The following NLGN1 variants were observed in gnomAD, a reference collection of about 807,000 sequenced individuals.
NLGN1 encodes neuroligin 1, also known as neuroligin-1.
In NLGN1, 12 loss-of-function variants were observed where a neutral mutation model predicts 65.5. The ratio of observed to expected loss-of-function variants is 0.18; its 90% CI spans 0.12 to 0.30. NLGN1 has a LOEUF of 0.30. Ranked by LOEUF, NLGN1 falls within the 10% of genes least tolerant of loss-of-function variation. The probability of loss-of-function intolerance (pLI) is 1.00; values close to 1 mark genes in which losing one functional copy is unlikely to be tolerated. For synonymous variants in NLGN1, 350 were observed against 359.5 expected (o/e 0.97, Z 0.30); for missense variants, 750 against 1,007.1 (o/e 0.74, Z 3.46).
At chr3:173,736,116 GATAACA>G (rs1210208320) in intron 3 of NLGN1, among the ~76,000 whole-genome samples, 2 of 152,130 alleles carry the variant, frequency 1.3e-5, no homozygotes, top group Admixed American at 1.3e-4. Flanking sequence ...TTAGAGACAA[GATAACA>G]GCATTGTGAG....
chr3:173,903,575 C>A (rs1162965964), intron 4 of NLGN1, among the ~76,000 whole-genome samples: 1 of 152,054 alleles, frequency 6.6e-6, no homozygotes, highest in Non-Finnish European at 1.5e-5. Context: ...CAGATGGAAG[C>A]TGCAGATTGG....
chr3:174,173,025 A>G (rs1728826332), intron 4 of NLGN1, among the ~76,000 whole-genome samples: 1 of 151,740 alleles, frequency 6.6e-6, no homozygotes, highest in South Asian at 2.1e-4. Context: ...TTTATTGTAG[A>G]GATCTATCAC....
intron 3 of NLGN1, among the ~76,000 whole-genome samples, chr3:173,612,613 C>G (rs1752477312): frequency 6.6e-6 from 1 of 152,060 alleles, no homozygotes; most frequent in Non-Finnish European, 1.5e-5. Flanking sequence ...TCTTCTTACA[C>G]AGGTGCTGGC....
At chr3:173,398,224 C>G (rs908586619), upstream of NLGN1, among the ~76,000 whole-genome samples, 1 of 152,152 alleles carries the variant, frequency 6.6e-6, no homozygotes, top group East Asian at 1.9e-4. Flanking sequence ...TCTGCTCTCC[C>G]CAGGCCCTCC....
At chr3:173,519,127 A>G (rs1414793200) in intron 2 of NLGN1, among the ~76,000 whole-genome samples, 2 of 152,192 alleles carry the variant, frequency 1.3e-5, no homozygotes, top group Admixed American at 1.3e-4. Context: ...ACATGGTGAT[A>G]AGCCTGCATG....
chr3:173,583,448 A>G (rs921968750), intron 2 of NLGN1, among the ~76,000 whole-genome samples: 1 of 152,252 alleles, frequency 6.6e-6, no homozygotes, highest in Non-Finnish European at 1.5e-5. Context: ...ATTAATAGCA[A>G]CACCAGTGGT....
intron 4 of NLGN1, among the ~76,000 whole-genome samples, chr3:174,199,402 G>C (rs1388653298): frequency 9.4e-6 from 1 of 106,836 alleles, no homozygotes; most frequent in Non-Finnish European, 2.0e-5. Context: ...ATAGTAGTAA[G>C]AGTGAGAGTG....
At chr3:174,210,906 A>G (rs1356216019) in intron 4 of NLGN1, among the ~76,000 whole-genome samples, 1 of 152,174 alleles carries the variant, frequency 6.6e-6, no homozygotes, top group African/African-American at 2.4e-5. Flanking sequence ...AGTATTCAGT[A>G]CAATAACATG....
chr3:173,605,539 A>G (rs1217703380), intron 3 of NLGN1: 3 of 1,284,596 alleles, frequency 2.3e-6, no homozygotes, highest in Non-Finnish European at 2.0e-6. Context: ...TTCAGTAAAA[A>G]GAATATCCAA....
intron 4 of NLGN1, among the ~76,000 whole-genome samples, chr3:173,837,194 G>A (rs1477979326): frequency 1.3e-5 from 2 of 151,988 alleles, no homozygotes; most frequent in African/African-American, 2.4e-5. Context: ...AAGAGTATGC[G>A]ATTTTCATTC....
At chr3:174,024,932 T>G (rs1728560608) in intron 4 of NLGN1, among the ~76,000 whole-genome samples, 1 of 152,132 alleles carries the variant, frequency 6.6e-6, no homozygotes, top group Admixed American at 6.6e-5. Context: ...TTGTACAAGC[T>G]CAACATAAAA....
At chr3:173,968,976 C>G (rs1715550259) in intron 4 of NLGN1, among the ~76,000 whole-genome samples, 1 of 151,652 alleles carries the variant, frequency 6.6e-6, no homozygotes, top group Non-Finnish European at 1.5e-5. Flanking sequence ...GCTGAGATTA[C>G]AGAGATGAGC....
intron 3 of NLGN1, among the ~76,000 whole-genome samples, chr3:173,633,276 A>G (rs1185222289): frequency 1.3e-5 from 2 of 152,130 alleles, no homozygotes; most frequent in Non-Finnish European, 2.9e-5. Flanking sequence ...ATTGCTCTTC[A>G]TGTAAGATCC....
At chr3:174,282,760 ACTTT>A (rs756846375) in exon 7 of NLGN1, 25 of 152,082 alleles carry the variant, frequency 1.6e-4, no homozygotes, top group Admixed American at 4.6e-4. Context: ...CCTGATAAAT[ACTTT>A]CTCTCTCACC....
intron 4 of NLGN1, among the ~76,000 whole-genome samples, chr3:174,014,399 C>T (rs1198163911): frequency 6.6e-6 from 1 of 152,184 alleles, no homozygotes; most frequent in African/African-American, 2.4e-5. Flanking sequence ...TTTGTCACAT[C>T]TGATAATTGC....
At chr3:174,282,730 G>C (rs1452802008) in exon 7 of NLGN1, 1 of 152,082 alleles carries the variant, frequency 6.6e-6, no homozygotes, top group East Asian at 1.9e-4. Flanking sequence ...AAACAAATGA[G>C]ATGGACTTAA....
intron 3 of NLGN1, among the ~76,000 whole-genome samples, chr3:173,615,403 A>G (rs1022387005): frequency 9.2e-5 from 14 of 152,118 alleles, no homozygotes; most frequent in African/African-American, 3.4e-4. Context: ...ACATTGCAAG[A>G]AAAACCTCAG....
At chr3:174,048,173 A>G (rs1734037884) in intron 4 of NLGN1, among the ~76,000 whole-genome samples, 1 of 152,122 alleles carries the variant, frequency 6.6e-6, no homozygotes, top group Non-Finnish European at 1.5e-5. Flanking sequence ...TGCTATAAAC[A>G]TAACAGATTT....
chr3:173,399,784 A>T (rs1717310244), intron 1 of NLGN1: 1 of 152,206 alleles, frequency 6.6e-6, no homozygotes, highest in South Asian at 2.1e-4. Context: ...ATAATTAAGT[A>T]GCTAGAACTA....
Sources: allele counts gnomAD v4.1 joint callset (sites outside exome capture counted in the v4.1 genomes callset), GRCh38; gene constraint gnomAD v4.1.1; transcripts MANE v1.5; gene names NCBI Gene and HGNC (gene_info 2026-07-23, HGNC 2026-07-21).